The following SLC14A2 variants were observed in gnomAD, a reference collection of about 807,000 sequenced individuals.
SLC14A2 encodes solute carrier family 14 member 2, also known as urea transporter 2.
A neutral mutation model predicts 104.6 loss-of-function variants in SLC14A2; 91 were observed. The ratio of observed to expected loss-of-function variants is 0.87; its 90% confidence interval spans 0.73 to 1.04. SLC14A2 has a LOEUF of 1.04. Ranked by LOEUF, SLC14A2 falls within the 50% of genes least tolerant of loss-of-function variation. The probability of loss-of-function intolerance (pLI) is 0.00; values close to 1 mark genes in which losing one functional copy is unlikely to be tolerated. For missense variants in SLC14A2, 1,189 were observed against 1,156.0 expected, an observed-to-expected ratio of 1.03 and a Z score of -0.41; for synonymous variants, 476 against 466.4, an observed-to-expected ratio of 1.02 and a Z score of -0.27.
rs1568001815 is a variant in SLC14A2, at chr18:45,667,821, G to A, written c.1718-12G>A. ...GAGCACTTGCCTACTTCCTGCCCCGGTTCCATTTCAGACAAGTCCCCAGTG... is the reference window on the plus strand; with the variant it reads ...GAGCACTTGCCTACTTCCTGCCCCGATTCCATTTCAGACAAGTCCCCAGTG... On this transcript the variant is annotated splice_polypyrimidine_tract_variant and intron_variant, in intron 13 of 19. Coordinates refer to ENST00000255226, the MANE Select transcript of SLC14A2 (RefSeq NM_007163.4). 6.2e-7 allele frequency: 1 copy of A among 1,612,934 alleles called. No individual in the cohort carries two copies. Among genetic ancestry groups the A allele is most frequent in the Non-Finnish European group, 8.5e-7 (1 of 1,178,984 alleles).
intron 2 of SLC14A2, among the ~76,000 whole-genome samples, chr18:45,584,814 A>G (rs1457992549): frequency 6.6e-6 from 1 of 152,238 alleles, no homozygotes; most frequent in East Asian, 1.9e-4. Context: ...AGGTTTCTGA[A>G]TATAGAACGA....
At chr18:45,451,296 G>C (rs1173431061) in intron 1 of SLC14A2, among the ~76,000 whole-genome samples, 1 of 152,066 alleles carries the variant, frequency 6.6e-6, no homozygotes, top group Non-Finnish European at 1.5e-5. Flanking sequence ...GGTTCTCGGG[G>C]AGCAAGAAGT....
At chr18:45,246,445 A>T (rs1402840064) in intron 1 of SLC14A2, among the ~76,000 whole-genome samples, 3 of 152,196 alleles carry the variant, frequency 2.0e-5, no homozygotes, top group Non-Finnish European at 4.4e-5. Context: ...TAAATAATAC[A>T]TATTTTATAT....
chr18:45,353,146 C>A (rs968928440), intron 1 of SLC14A2, among the ~76,000 whole-genome samples: 1 of 152,210 alleles, frequency 6.6e-6, no homozygotes, highest in African/African-American at 2.4e-5. Context: ...TCTGTCTTCT[C>A]TGCCTGTTAA....
chr18:45,393,632 G>A (rs1325389075), intron 1 of SLC14A2, among the ~76,000 whole-genome samples: 5 of 152,200 alleles, frequency 3.3e-5, no homozygotes, highest in African/African-American at 2.4e-5. Context: ...AGTAACGCAA[G>A]CACTAGGAGT....
At chr18:45,423,289 T>C (rs1164400292) in intron 1 of SLC14A2, among the ~76,000 whole-genome samples, 1 of 152,190 alleles carries the variant, frequency 6.6e-6, no homozygotes, top group Non-Finnish European at 1.5e-5. Flanking sequence ...CATATCCTTC[T>C]GAAAGGTGGT....
chr18:45,372,083 G>T (rs1279155681), intron 1 of SLC14A2, among the ~76,000 whole-genome samples: 2 of 152,070 alleles, frequency 1.3e-5, no homozygotes. Context: ...AGGCTGAGGT[G>T]GGCAGATCAC....
chr18:45,178,439 AG>A, the SLC14A2 span, among the ~76,000 whole-genome samples: 1 of 152,178 alleles, frequency 6.6e-6, no homozygotes, highest in Non-Finnish European at 1.5e-5. Flanking sequence ...TTGGCATTAA[AG>A]AACAAGAAAA....
chr18:45,282,299 C>G (rs181713919), intron 1 of SLC14A2, among the ~76,000 whole-genome samples: 3 of 152,086 alleles, frequency 2.0e-5, no homozygotes, highest in Non-Finnish European at 4.4e-5. Flanking sequence ...GCTTTAGTTA[C>G]GAGTCATAGG....
intron 1 of SLC14A2, among the ~76,000 whole-genome samples, chr18:45,276,083 C>T (rs919277390): frequency 2.6e-5 from 4 of 152,170 alleles, no homozygotes; most frequent in Admixed American, 6.5e-5. Flanking sequence ...AGTGCAAAGG[C>T]CCTGAGGCTG....
intron 1 of SLC14A2, among the ~76,000 whole-genome samples, chr18:45,407,589 T>C (rs903151546): frequency 6.6e-6 from 1 of 152,256 alleles, no homozygotes; most frequent in African/African-American, 2.4e-5. Context: ...TTTCAGCCTG[T>C]CTTGGCCTTT....
intron 1 of SLC14A2, among the ~76,000 whole-genome samples, chr18:45,306,564 G>A (rs1366007180): frequency 6.6e-6 from 1 of 152,136 alleles, no homozygotes; most frequent in Non-Finnish European, 1.5e-5. Flanking sequence ...TTTCACATGT[G>A]ATGAAATACT....
intron 2 of SLC14A2, among the ~76,000 whole-genome samples, chr18:45,521,071 G>A (rs534550228): frequency 6.6e-6 from 1 of 152,238 alleles, no homozygotes; most frequent in South Asian, 2.1e-4. Context: ...CCTATGGCCT[G>A]GAAACATGAC....
chr18:45,216,503 T>C (rs1412099094), intron 1 of SLC14A2, among the ~76,000 whole-genome samples: 3 of 152,162 alleles, frequency 2.0e-5, no homozygotes, highest in Non-Finnish European at 2.9e-5. Flanking sequence ...CTGAAGCCCA[T>C]AGTCATTGAA....
intron 2 of SLC14A2, among the ~76,000 whole-genome samples, chr18:45,589,710 T>C (rs1018679042): frequency 4.6e-5 from 7 of 152,184 alleles, no homozygotes; most frequent in Non-Finnish European, 1.0e-4. Flanking sequence ...TGTAAAATCA[T>C]GAAAACCCTA....
the SLC14A2 span, among the ~76,000 whole-genome samples, chr18:45,201,213 G>T: frequency 1.3e-5 from 2 of 151,986 alleles, no homozygotes; most frequent in African/African-American, 4.8e-5. Flanking sequence ...GATGTCTGAG[G>T]TAGTGTTAGT....
intron 1 of SLC14A2, among the ~76,000 whole-genome samples, chr18:45,271,221 T>C (rs1287165462): frequency 1.3e-5 from 2 of 152,190 alleles, no homozygotes; most frequent in African/African-American, 4.8e-5. Context: ...AAGTAATGCT[T>C]GTCAGCTCTT....
At chr18:45,428,130 T>C (rs926606180) in intron 1 of SLC14A2, among the ~76,000 whole-genome samples, 1 of 152,326 alleles carries the variant, frequency 6.6e-6, no homozygotes, top group African/African-American at 2.4e-5. Context: ...AGAGATTATA[T>C]GTAAATCACC....
chr18:45,419,558 G>A (rs1290116276), intron 1 of SLC14A2, among the ~76,000 whole-genome samples: 3 of 152,190 alleles, frequency 2.0e-5, no homozygotes, highest in Non-Finnish European at 4.4e-5. Flanking sequence ...CGGATCACCT[G>A]AGGTCAGGAG....
Sources: gnomAD v4.1 joint callset for allele counts (sites outside exome capture counted in the v4.1 genomes callset) on GRCh38, gnomAD v4.1.1 for gene constraint, MANE v1.5 for transcripts, NCBI Gene and HGNC (gene_info 2026-07-23, HGNC 2026-07-21) for gene names.